The following KSR2 variants were observed in gnomAD, a reference collection of about 807,000 sequenced individuals.
KSR2 encodes kinase suppressor of ras 2.
A neutral mutation model predicts 107.8 loss-of-function variants in KSR2; 25 were observed. The ratio of observed to expected loss-of-function variants is 0.23; its 90% confidence interval spans 0.17 to 0.32. KSR2 has a LOEUF of 0.32. KSR2 is among the 10% of genes least tolerant of loss of function. KSR2 has a pLI of 1.00. For missense variants in KSR2, 887 were observed against 1,268.9 expected, an observed-to-expected ratio of 0.70 and a Z score of 4.57; for synonymous variants, 480 against 507.0, an observed-to-expected ratio of 0.95 and a Z score of 0.71.
chr12:117,809,265 A>C (rs1479127843), intron 3 of KSR2, among the ~76,000 whole-genome samples: 1 of 152,156 alleles, frequency 6.6e-6, no homozygotes, highest in East Asian at 1.9e-4. Flanking sequence ...CTCTACGCCA[A>C]GGTTTCTCAA....
At chr12:117,855,324 C>A in intron 3 of KSR2, 104 bp downstream of exon 3, 1 of 1,491,780 alleles carries the variant, frequency 6.7e-7, no homozygotes, top group South Asian at 1.2e-5. Flanking sequence ...CCAGGGTTGA[C>A]TCTGTCTCGT....
intron 1 of KSR2, among the ~76,000 whole-genome samples, chr12:117,892,411 A>T (rs1894373125): frequency 6.6e-6 from 1 of 152,122 alleles, no homozygotes; most frequent in Admixed American, 6.5e-5. Context: ...CATTATCTCC[A>T]ATTCTTCCAT....
At chr12:117,550,943 C>T (rs562539270) in intron 9 of KSR2, among the ~76,000 whole-genome samples, 11 of 152,278 alleles carry the variant, frequency 7.2e-5, no homozygotes, top group Admixed American at 6.5e-4. Context: ...TCTGAATTGC[C>T]CCCATGTCCA....
intron 1 of KSR2, among the ~76,000 whole-genome samples, chr12:117,939,435 G>A (rs1269897158): frequency 1.3e-5 from 2 of 152,048 alleles, no homozygotes; most frequent in African/African-American, 2.4e-5. Context: ...TGGCTGGGTC[G>A]GGTGCGGTGG....
chr12:117,459,039 C>T lies in KSR2; in HGVS notation c.*8160G>A, dbSNP rs1280012495. The T allele has an allele frequency of 6.6e-6, 1 of 152,242 alleles. No homozygotes were observed. The highest frequency in any genetic ancestry group is 2.4e-5 in the African/African-American group (1 of 41,458). 9.4% of individuals were successfully genotyped at this position (152,242 alleles called of 1,614,324 possible). On this transcript the variant is annotated 3_prime_UTR_variant, in exon 20 of 20. Transcript: ENST00000339824. ...GACTTCCAGCCCAGCTGTTACTAGA[C>T]TGGGCATAGCATTCAGGCCTTGTGG...
intron 5 of KSR2, among the ~76,000 whole-genome samples, chr12:117,640,804 G>T (rs1279685258): frequency 6.6e-6 from 1 of 152,138 alleles, no homozygotes; most frequent in Non-Finnish European, 1.5e-5. Context: ...TGGTCACTGG[G>T]GGGCCATCTG....
At chr12:117,642,169 A>G (rs1351033312) in intron 5 of KSR2, among the ~76,000 whole-genome samples, 1 of 152,170 alleles carries the variant, frequency 6.6e-6, no homozygotes, top group Non-Finnish European at 1.5e-5. Context: ...TTTCTGTAGC[A>G]TTCTGAACTT....
intron 1 of KSR2, among the ~76,000 whole-genome samples, chr12:117,929,004 G>A (rs714325): frequency 0.1 from 15,843 of 152,182 alleles, 1,075 homozygotes; most frequent in Non-Finnish European, 0.15. Flanking sequence ...AGGCAGTCTC[G>A]CATGTGTCCT....
rs1269317486 is a variant in KSR2 at position 117,852,088 on chromosome 12, A to G, written c.472+3340T>C. 2.0e-5 allele frequency among the ~76,000 whole-genome samples: 3 copies of G among 151,950 alleles called. No individual in the cohort carries two copies. The East Asian group carries it at 5.8e-4, about 29-fold the overall frequency. ...ATGTGTGTGGGGGGGGTCACAATAT[A>G]AATTGTACTGTCCATCTGGATCAAA... On this transcript the variant is annotated intron_variant, in intron 3 of 19. Coordinates refer to ENST00000339824, the MANE Select transcript of KSR2 (RefSeq NM_173598.6).
rs117667224 is a variant in KSR2, at chr12:117,806,513, G to A, written c.473-44989C>T. Among the ~76,000 whole-genome samples the A allele has an allele frequency of 6.1e-3, 929 of 152,222 alleles. 6 individuals are homozygous for A. The highest frequency in any genetic ancestry group is 7.3e-3 in the Admixed American group (112 of 15,296). ...GACTTCAATATAGAATTATCTTAAG[G>A]AAATTTACAAAACATGAAATTGACC... On this transcript the variant is annotated intron_variant, in intron 3 of 19. Coordinates refer to ENST00000339824, the MANE Select transcript of KSR2 (RefSeq NM_173598.6).
intron 4 of KSR2, among the ~76,000 whole-genome samples, chr12:117,671,452 A>G (rs1021850381): frequency 6.6e-6 from 1 of 152,192 alleles, no homozygotes; most frequent in African/African-American, 2.4e-5. Context: ...TTTGAGGGCA[A>G]TGACTCTGTG....
At chr12:117,924,572 C>CAAAAAAAAAAAA (rs58789868) in intron 1 of KSR2, among the ~76,000 whole-genome samples, 19 of 39,516 alleles carry the variant, frequency 4.8e-4, no homozygotes, top group South Asian at 1.2e-3. Flanking sequence ...AGCTCCATCT[C>CAAAAAAAAAAAA]AAAAAAAAAA....
intron 4 of KSR2, among the ~76,000 whole-genome samples, chr12:117,700,708 TA>T (rs1413712403): frequency 6.6e-6 from 1 of 152,244 alleles, no homozygotes; most frequent in Non-Finnish European, 1.5e-5. Flanking sequence ...AGAAAACATT[TA>T]TTCACAAGAA....
At chr12:117,612,297 G>A (rs1185344912) in intron 5 of KSR2, among the ~76,000 whole-genome samples, 1 of 151,814 alleles carries the variant, frequency 6.6e-6, no homozygotes, top group African/African-American at 2.4e-5. Flanking sequence ...CCAGCTACTC[G>A]GGAGGCTGAG....
intron 4 of KSR2, among the ~76,000 whole-genome samples, chr12:117,685,820 A>G (rs1450934275): frequency 6.6e-6 from 1 of 152,224 alleles, no homozygotes; most frequent in African/African-American, 2.4e-5. Context: ...ATCACTGGAC[A>G]GAGAAGCAGG....
chr12:117,731,152 C>T (rs1175134531), intron 4 of KSR2, among the ~76,000 whole-genome samples: 12 of 150,570 alleles, frequency 8.0e-5, no homozygotes, highest in South Asian at 2.1e-4. Context: ...CGTCTCTGCC[C>T]GGCCACGACC....
At chr12:117,521,356 G>A (rs556783850) in intron 14 of KSR2, among the ~76,000 whole-genome samples, 187 of 152,300 alleles carry the variant, frequency 1.2e-3, no homozygotes, top group South Asian at 9.7e-3. Flanking sequence ...TTTACAGAAG[G>A]AGAAACTAAG....
At chr12:117,766,633 A>G (rs1452122874) in intron 3 of KSR2, among the ~76,000 whole-genome samples, 1 of 152,178 alleles carries the variant, frequency 6.6e-6, no homozygotes, top group African/African-American at 2.4e-5. Context: ...AGGAGCATAC[A>G]GGGCACAGAA....
chr12:117,710,755 T>C (rs193240701), intron 4 of KSR2, among the ~76,000 whole-genome samples: 1 of 152,302 alleles, frequency 6.6e-6, no homozygotes, highest in African/African-American at 2.4e-5. Context: ...AAACGGTCAG[T>C]ACTATCATGA....
Sources: gnomAD v4.1 joint callset for allele counts (sites outside exome capture counted in the v4.1 genomes callset) on GRCh38, gnomAD v4.1.1 for gene constraint, MANE v1.5 for transcripts, NCBI Gene and HGNC (gene_info 2026-07-23, HGNC 2026-07-21) for gene names.